The following NRG1 variants were observed in gnomAD, a reference collection of about 807,000 sequenced individuals.
NRG1 encodes neuregulin 1.
A neutral mutation model predicts 63.8 loss-of-function variants in NRG1; 18 were observed. That is an observed-to-expected ratio of 0.28 (90% CI 0.19 to 0.42). The LOEUF is 0.42. Ranked by LOEUF, NRG1 falls within the 10% of genes least tolerant of loss-of-function variation. NRG1 has a pLI of 1.00. For synonymous variants in NRG1, 302 were observed against 301.3 expected, an observed-to-expected ratio of 1.00 and a Z score of -0.02; for missense variants, 762 against 814.7, an observed-to-expected ratio of 0.94 and a Z score of 0.79.
chr8:32,116,520 C>G (rs1030427818), intron 1 of NRG1, among the ~76,000 whole-genome samples: 1 of 152,134 alleles, frequency 6.6e-6, no homozygotes, highest in Non-Finnish European at 1.5e-5. Context: ...AAGCCAGGTG[C>G]TTGGACTCTA....
At chr8:32,609,918 A>C (rs1706473491) in intron 3 of NRG1, among the ~76,000 whole-genome samples, 1 of 151,322 alleles carries the variant, frequency 6.6e-6, no homozygotes, top group Non-Finnish European at 1.5e-5. Context: ...TGATCTGCCC[A>C]CTTTGGGCTC....
chr8:31,988,277 A>G (rs996697696), intron 1 of NRG1, among the ~76,000 whole-genome samples: 8 of 152,010 alleles, frequency 5.3e-5, no homozygotes, highest in Admixed American at 5.2e-4. Context: ...TTGACACTTA[A>G]TTTTCAGAGT....
At chr8:32,175,364 T>C (rs199643753) in intron 1 of NRG1, among the ~76,000 whole-genome samples, 1 of 152,122 alleles carries the variant, frequency 6.6e-6, no homozygotes, top group Admixed American at 6.5e-5. Flanking sequence ...GACAAACCCA[T>C]AGCCAATATC....
intron 11 of NRG1, among the ~76,000 whole-genome samples, chr8:32,762,033 C>T (rs919533805): frequency 4.6e-5 from 4 of 87,420 alleles, no homozygotes; most frequent in Non-Finnish European, 6.5e-5. Flanking sequence ...AGCAAGACTC[C>T]GCCTCAAAAA....
chr8:32,599,174 A>G (rs1486529000), intron 2 of NRG1, among the ~76,000 whole-genome samples: 2 of 152,104 alleles, frequency 1.3e-5, no homozygotes, highest in African/African-American at 4.8e-5. Context: ...ATATATTACT[A>G]TTAATGATTT....
At chr8:32,417,426 G>C (rs558471419) in intron 1 of NRG1, among the ~76,000 whole-genome samples, 1 of 152,206 alleles carries the variant, frequency 6.6e-6, no homozygotes, top group African/African-American at 2.4e-5. Flanking sequence ...TGTCTTTCTT[G>C]AGGGTTCTAA....
intron 1 of NRG1, among the ~76,000 whole-genome samples, chr8:32,351,693 A>G (rs1190463939): frequency 6.6e-6 from 1 of 152,152 alleles, no homozygotes; most frequent in African/African-American, 2.4e-5. Context: ...TATGTACCAG[A>G]AAACCTCCTT....
intron 1 of NRG1, among the ~76,000 whole-genome samples, chr8:32,382,988 G>A (rs1810537061): frequency 6.6e-6 from 1 of 151,840 alleles, no homozygotes; most frequent in Non-Finnish European, 1.5e-5. Flanking sequence ...TTGGAAGACT[G>A]AGGCAGGAGG....
chr8:32,277,132 C>T (rs1852194363), intron 1 of NRG1, among the ~76,000 whole-genome samples: 3 of 152,174 alleles, frequency 2.0e-5, no homozygotes, highest in Admixed American at 2.0e-4. Context: ...GTCATTGCCT[C>T]CTGCCATTGT....
intron 1 of NRG1, among the ~76,000 whole-genome samples, chr8:32,094,024 C>A (rs1305830131): frequency 6.6e-6 from 1 of 152,140 alleles, no homozygotes; most frequent in Non-Finnish European, 1.5e-5. Context: ...AGCAGAGTGG[C>A]AGGACAATCT....
At chr8:32,712,304 T>A (rs1818024954) in intron 5 of NRG1, among the ~76,000 whole-genome samples, 1 of 152,206 alleles carries the variant, frequency 6.6e-6, no homozygotes, top group South Asian at 2.1e-4. Context: ...TTTTGGATGC[T>A]GTGTTTTATG....
chr8:32,209,353 C>G (rs923980829), intron 1 of NRG1, among the ~76,000 whole-genome samples: 1 of 151,742 alleles, frequency 6.6e-6, no homozygotes, highest in African/African-American at 2.4e-5. Context: ...CAAGGAAAAC[C>G]TAATTTCACT....
chr8:32,543,603 A>G (rs1190811235), upstream of NRG1, among the ~76,000 whole-genome samples: 2 of 152,172 alleles, frequency 1.3e-5, no homozygotes, highest in Admixed American at 6.5e-5. Context: ...TTAATCCATG[A>G]TATCAGTCAT....
At chr8:32,482,911 C>T (rs1313755571) in intron 1 of NRG1, among the ~76,000 whole-genome samples, 2 of 152,182 alleles carry the variant, frequency 1.3e-5, no homozygotes, top group African/African-American at 4.8e-5. Flanking sequence ...AGGGAACAAC[C>T]CCAGCTTTAA....
chr8:31,784,620 A>G (rs1820006381), intron 1 of NRG1, among the ~76,000 whole-genome samples: 1 of 152,186 alleles, frequency 6.6e-6, no homozygotes, highest in South Asian at 2.1e-4. Context: ...AACACGTAGA[A>G]TCTCGGAGAG....
intron 5 of NRG1, among the ~76,000 whole-genome samples, chr8:32,705,321 T>C (rs1265101508): frequency 1.3e-5 from 2 of 151,936 alleles, no homozygotes; most frequent in African/African-American, 2.4e-5. Context: ...TTAGTAGAGA[T>C]GGGGTTTCAC....
In NRG1 at chr8:31,868,124, C is replaced by G. The variant is rs1022914101; in HGVS notation, c.37+228693C>G. Among the ~76,000 whole-genome samples, 5 of 101,730 alleles carry G rather than the reference C, an allele frequency of 4.9e-5. No homozygotes were observed. The East Asian group carries it at 1.3e-3, about 26-fold the overall frequency. 66.7% of individuals were successfully genotyped at this position (101,730 alleles called of 152,430 possible). A position where few individuals can be genotyped will look rare whatever the true frequency, so the allele number is the denominator to read the frequency against. ...AGCAGTTATACTCTACCATCCCAAA[C>G]ACACACACACACACATACATCTTAC... is the stretch of plus-strand genomic sequence containing the variant. On this transcript the variant is annotated intron_variant, in intron 1 of 10. Transcript: ENST00000519301.
intron 1 of NRG1, among the ~76,000 whole-genome samples, chr8:32,176,975 T>G (rs1840821942): frequency 6.6e-6 from 1 of 152,222 alleles, no homozygotes; most frequent in Admixed American, 6.5e-5. Flanking sequence ...ATCCCATTAC[T>G]GGGTATATTC....
intron 1 of NRG1, among the ~76,000 whole-genome samples, chr8:31,808,422 C>T (rs17603786): frequency 0.23 from 35,318 of 151,826 alleles, 4,319 homozygotes; most frequent in Admixed American, 0.26. Flanking sequence ...GATAATTTAG[C>T]CCATTCACAT....
Sources: allele counts gnomAD v4.1 joint callset (sites outside exome capture counted in the v4.1 genomes callset), GRCh38; gene constraint gnomAD v4.1.1; transcripts MANE v1.5; gene names NCBI Gene and HGNC (gene_info 2026-07-23, HGNC 2026-07-21).